The following VOPP1 variants were observed in gnomAD, a reference collection of about 807,000 sequenced individuals.
VOPP1 encodes the protein WW domain binding protein VOPP1.
Under a neutral mutation model 23.5 loss-of-function variants are expected in VOPP1, and 8 were observed. The observed-to-expected ratio is 0.34, with a 90% confidence interval of 0.20 to 0.61. The LOEUF is 0.61. VOPP1 is among the 20% of genes least tolerant of loss of function. The pLI is 0.78. For missense variants in VOPP1, 174 were observed against 238.1 expected (o/e 0.73, Z 1.77); for synonymous variants, 83 against 97.3 (o/e 0.85, Z 0.86).
chr7:55,546,745 C>G (rs779186643), intron 1 of VOPP1, among the ~76,000 whole-genome samples: 1 of 152,228 alleles, frequency 6.6e-6, no homozygotes, highest in Admixed American at 6.5e-5. Context: ...CGACCACCAC[C>G]ACCCCTGAAT....
At chr7:55,488,623 T>C (rs1793322021) in intron 4 of VOPP1, among the ~76,000 whole-genome samples, 1 of 152,108 alleles carries the variant, frequency 6.6e-6, no homozygotes, top group Admixed American at 6.5e-5. Context: ...TCAGTGATGC[T>C]GGTCCCAGCA....
At chr7:55,528,684 C>CA (rs1379741601) in intron 1 of VOPP1, among the ~76,000 whole-genome samples, 131 of 126,526 alleles carry the variant, frequency 1.0e-3, no homozygotes, top group Middle Eastern at 4.1e-3. Context: ...AGCTCTGTCT[C>CA]AAAAAAAAAA....
chr7:55,454,701 CAT>C (rs977125538), intron 4 of VOPP1, among the ~76,000 whole-genome samples: 19 of 152,278 alleles, frequency 1.2e-4, no homozygotes, highest in African/African-American at 4.1e-4. Context: ...ACAAAAACCA[CAT>C]GATTATCTCA....
intron 4 of VOPP1, among the ~76,000 whole-genome samples, chr7:55,461,434 C>T (rs1349369951): frequency 6.6e-6 from 1 of 151,974 alleles, no homozygotes; most frequent in Non-Finnish European, 1.5e-5. Context: ...TTTCTTGAGA[C>T]GGAGTCTCAC....
At chr7:55,567,373 G>A (rs1334410723) in intron 1 of VOPP1, among the ~76,000 whole-genome samples, 1 of 152,196 alleles carries the variant, frequency 6.6e-6, no homozygotes, top group East Asian at 1.9e-4. Flanking sequence ...GTAGACTAGG[G>A]AAAGAACTGA....
At chr7:55,542,636 A>G (rs1412695101) in intron 1 of VOPP1, among the ~76,000 whole-genome samples, 2 of 152,124 alleles carry the variant, frequency 1.3e-5, no homozygotes, top group Admixed American at 1.3e-4. Context: ...CTAAAAATAC[A>G]AAGTTAGCCG....
chr7:55,552,620 G>T, intron 1 of VOPP1: 1 of 1,535,974 alleles, frequency 6.5e-7, no homozygotes, highest in Non-Finnish European at 8.7e-7. Flanking sequence ...CTGGAACCAG[G>T]TCTGTGTGGC....
chr7:55,480,326 A>T (rs1792611442), intron 4 of VOPP1, among the ~76,000 whole-genome samples: 1 of 152,246 alleles, frequency 6.6e-6, no homozygotes, highest in Non-Finnish European at 1.5e-5. Flanking sequence ...GGTATCATAA[A>T]GTACTTACGC....
intron 2 of VOPP1, among the ~76,000 whole-genome samples, chr7:55,510,558 T>C (rs1795005003): frequency 6.7e-6 from 1 of 150,008 alleles, no homozygotes; most frequent in Non-Finnish European, 1.5e-5. Context: ...AGACTTTATA[T>C]AAGGGCACTG....
chr7:55,473,975 G>A (rs1447474016), intron 4 of VOPP1, among the ~76,000 whole-genome samples: 2 of 152,134 alleles, frequency 1.3e-5, no homozygotes, highest in East Asian at 3.9e-4. Flanking sequence ...CTAGAAACAT[G>A]CCCATCAAGG....
intron 4 of VOPP1, among the ~76,000 whole-genome samples, chr7:55,447,453 T>G (rs1306441297): frequency 6.6e-6 from 1 of 152,112 alleles, no homozygotes; most frequent in Non-Finnish European, 1.5e-5. Flanking sequence ...AAACAATAGG[T>G]GAGGTCTGTA....
At chr7:55,551,326 T>C (rs917575312) in intron 1 of VOPP1, among the ~76,000 whole-genome samples, 1 of 152,190 alleles carries the variant, frequency 6.6e-6, no homozygotes, top group Admixed American at 6.5e-5. Context: ...CCTGGAATGT[T>C]AGGGCGTGGA....
At chr7:55,518,379 C>G (rs925096303) in intron 2 of VOPP1, among the ~76,000 whole-genome samples, 1 of 152,254 alleles carries the variant, frequency 6.6e-6, no homozygotes, top group African/African-American at 2.4e-5. Context: ...AATATGTGAA[C>G]TCTGCACGAA....
chr7:55,490,153 GC>G (rs2129017974), intron 4 of VOPP1, among the ~76,000 whole-genome samples: 1 of 152,206 alleles, frequency 6.6e-6, no homozygotes, highest in African/African-American at 2.4e-5. Flanking sequence ...AGACCCTGCC[GC>G]AGAAAAATAG....
At position 55,471,452 on chromosome 7, in the gene VOPP1, T is replaced by C. The variant is rs572415416; in HGVS notation, c.*1403A>G. The C allele has an allele frequency of 2.6e-5, 4 of 152,222 alleles. No homozygotes were observed. The highest frequency in any genetic ancestry group is 5.9e-5 in the Non-Finnish European group (4 of 68,056). The allele number at this position is 152,222 out of a possible 1,614,324, so 9.4% of individuals were successfully genotyped here. A position where few individuals can be genotyped will look rare whatever the true frequency, so the allele number is the denominator to read the frequency against. The stretch of plus-strand genomic sequence containing the variant: ...GATGCTCCAGTTCAATGAGTAACAA[T>C]TTCTCAAGAGGCTCTGATTAGTTCA... On this transcript the variant is annotated 3_prime_UTR_variant, in exon 5 of 5. Transcript: ENST00000285279.
chr7:55,565,008 A>G (rs1562634885), intron 1 of VOPP1, among the ~76,000 whole-genome samples: 1 of 152,192 alleles, frequency 6.6e-6, no homozygotes, highest in Admixed American at 6.5e-5. Context: ...TTACCGGATA[A>G]TATCTCTTTG....
chr7:55,461,826 T>G (rs572601942), intron 4 of VOPP1, among the ~76,000 whole-genome samples: 21 of 152,346 alleles, frequency 1.4e-4, no homozygotes, highest in African/African-American at 4.1e-4. Flanking sequence ...CTACTTGTTT[T>G]GTGCATCCTT....
intron 1 of VOPP1, among the ~76,000 whole-genome samples, chr7:55,523,589 T>G (rs1345898986): frequency 6.6e-6 from 1 of 152,162 alleles, no homozygotes; most frequent in Non-Finnish European, 1.5e-5. Flanking sequence ...AGTGAGAGCT[T>G]GCACACCAAT....
At chr7:55,458,725 A>T (rs919166046) in intron 4 of VOPP1, among the ~76,000 whole-genome samples, 1 of 152,088 alleles carries the variant, frequency 6.6e-6, no homozygotes, top group Admixed American at 6.6e-5. Context: ...AATACTACTA[A>T]TATTATATTC....
Sources: gnomAD v4.1 joint callset for allele counts (sites outside exome capture counted in the v4.1 genomes callset) on GRCh38, gnomAD v4.1.1 for gene constraint, MANE v1.5 for transcripts, NCBI Gene and HGNC (gene_info 2026-07-23, HGNC 2026-07-21) for gene names.